The following STK32C variants were observed in gnomAD, a reference collection of about 807,000 sequenced individuals.
STK32C encodes the protein serine/threonine kinase 32C, also known as serine/threonine-protein kinase 32C.
In STK32C, 31 loss-of-function variants were observed where a neutral mutation model predicts 56.5. That is an observed-to-expected ratio of 0.55 (90% confidence interval 0.41 to 0.74). The LOEUF (loss-of-function observed/expected upper bound fraction) is 0.74. STK32C is among the 30% of genes least tolerant of loss of function. The probability of loss-of-function intolerance (pLI) is 0.00; values close to 1 mark genes in which losing one functional copy is unlikely to be tolerated. For synonymous variants in STK32C, 309 were observed against 289.4 expected, an observed-to-expected ratio of 1.07 and a Z score of -0.69; for missense variants, 544 against 676.9, an observed-to-expected ratio of 0.80 and a Z score of 2.18.
chr10:132,307,806 T>C lies in STK32C; in HGVS notation c.28A>G (p.Ser10Gly). The C allele has an allele frequency of 3.9e-6, 4 of 1,026,040 alleles. No individual in the cohort carries two copies. The highest frequency in any genetic ancestry group is 4.7e-6 in the Non-Finnish European group (4 of 856,014). 63.6% of individuals were successfully genotyped at this position (1,026,040 alleles called of 1,614,324 possible). The change falls in exon 1 of 12, where the codon AGC becomes GGC. Residue 10 changes from serine to glycine, a missense_variant. This residue lies in a region of STK32C where 182 missense variants were observed against 217.7 expected (regional missense o/e 0.84). Transcript: ENST00000298630. This position sits in a 1 kb window ranked among gnomAD's most constrained non-coding sequence, Gnocchi z 4.4. MRSGAERRGSSAAASPGSPP... is the reference protein window; with the variant it reads MRSGAERRGGSAAASPGSPP... ...GAGCCCGGGGACGCCGCGGCGCTGC[T>C]GCCCCTGCGCTCGGCGCCACTCCTC...
chr10:132,293,448 G>A (rs1452704982), intron 1 of STK32C, among the ~76,000 whole-genome samples: 5 of 152,238 alleles, frequency 3.3e-5, no homozygotes, highest in African/African-American at 1.2e-4. Flanking sequence ...GTGACAGTGA[G>A]CCAAGCCCTC....
chr10:132,301,705 G>C (rs771675933), intron 1 of STK32C, among the ~76,000 whole-genome samples: 19 of 152,254 alleles, frequency 1.2e-4, no homozygotes, highest in Non-Finnish European at 2.5e-4. Flanking sequence ...ATGTGAACCA[G>C]GAGCTGCACG....
At chr10:132,209,283 C>G (rs746833942) in intron 10 of STK32C, 182 bp from the exon 11 acceptor site, 1 of 709,462 alleles carries the variant, frequency 1.4e-6, no homozygotes. Flanking sequence ...CGCATCTCTG[C>G]GGGTGACTCA....
chr10:132,330,135 A>C, intron 1 of STK32C: 1 of 339,912 alleles, frequency 2.9e-6, no homozygotes, highest in Admixed American at 4.0e-5. Context: ...AAGGCTACCA[A>C]TGGATACAAT....
At chr10:132,322,992 A>C (rs1194181163), downstream of STK32C, among the ~76,000 whole-genome samples, 2 of 152,188 alleles carry the variant, frequency 1.3e-5, no homozygotes, top group Admixed American at 1.3e-4. Flanking sequence ...TGTGAAATGC[A>C]GGCCCTCTAA....
chr10:132,249,047 T>G (rs1487537951), intron 1 of STK32C: 3 of 476,010 alleles, frequency 6.3e-6, no homozygotes, highest in South Asian at 3.1e-5. Flanking sequence ...GCCTCCCGAC[T>G]GTGCGACGGA....
Position 132,217,248 on chromosome 10 carries a change from T to G in STK32C, c.1251+5393A>C, listed in dbSNP as rs535545384. On this transcript the variant is annotated intron_variant, in intron 10 of 11. Transcript: ENST00000298630. ...GAGAGATAGAGTCAAAGATGTTCAT[T>G]TTGAAGCTTTAAGATTTGACAGGCC... Among the ~76,000 whole-genome samples the G allele has an allele frequency of 3.9e-5, 6 of 152,354 alleles. No individual in the cohort carries two copies. In the East Asian group the frequency reaches 1.2e-3, roughly 29 times the overall value.
intron 1 of STK32C, among the ~76,000 whole-genome samples, chr10:132,276,246 G>A (rs11146304): frequency 0.21 from 31,991 of 152,196 alleles, 4,159 homozygotes; most frequent in Non-Finnish European, 0.31. Context: ...ATGCAGAAAA[G>A]TGAGCTTTCA....
rs975449747 is a variant in STK32C, at chr10:132,243,061, C to A, written c.318+2839G>T. ...CCAGCCCAACCTGCACTGGTCTGCA[C>A]CCCCCAGCCAAGCCTGGTCCCAGAG... On this transcript the variant is annotated intron_variant, in intron 2 of 11. Transcript: ENST00000298630. Among the ~76,000 whole-genome samples the A allele has an allele frequency of 1.1e-4, 16 of 152,338 alleles. No individual in the cohort carries two copies. In the East Asian group the frequency reaches 2.9e-3, roughly 28 times the overall value.
chr10:132,254,799 C>T (rs563148708), intron 1 of STK32C, among the ~76,000 whole-genome samples: 2 of 152,288 alleles, frequency 1.3e-5, no homozygotes, highest in South Asian at 2.1e-4. Context: ...GTGCACCCCA[C>T]GCGAAGGCTG....
At chr10:132,266,508 A>T (rs1276256577) in intron 1 of STK32C, among the ~76,000 whole-genome samples, 1 of 152,194 alleles carries the variant, frequency 6.6e-6, no homozygotes, top group African/African-American at 2.4e-5. Context: ...GATCAGGGAC[A>T]TTCTGTAGTG....
intron 1 of STK32C, among the ~76,000 whole-genome samples, chr10:132,287,308 T>C (rs768151202): frequency 6.9e-4 from 105 of 151,720 alleles, no homozygotes; most frequent in Non-Finnish European, 1.2e-3. Context: ...CTGGCCAACA[T>C]GGTGAAACCC....
intron 1 of STK32C, among the ~76,000 whole-genome samples, chr10:132,269,451 T>G (rs2064743918): frequency 6.6e-6 from 1 of 152,146 alleles, no homozygotes; most frequent in Admixed American, 6.5e-5. Context: ...CTCCCAGCCC[T>G]GCTGGCTGCT....
At chr10:132,250,080 G>A (rs1475889185) in intron 1 of STK32C, among the ~76,000 whole-genome samples, 4 of 152,254 alleles carry the variant, frequency 2.6e-5, no homozygotes, top group East Asian at 1.9e-4. Flanking sequence ...ACCAGGAGCC[G>A]GTGTCTACGG....
At chr10:132,279,555 G>A (rs2065090671) in intron 1 of STK32C, among the ~76,000 whole-genome samples, 1 of 152,066 alleles carries the variant, frequency 6.6e-6, no homozygotes, top group South Asian at 2.1e-4. Flanking sequence ...AGCACAGGAG[G>A]TCAAGGCTGC....
At chr10:132,230,662 G>A (rs1346620036) in intron 2 of STK32C, among the ~76,000 whole-genome samples, 1 of 147,092 alleles carries the variant, frequency 6.8e-6, no homozygotes, top group African/African-American at 2.5e-5. Flanking sequence ...GGCTCTTGCT[G>A]CTGGGGGGGA....
At chr10:132,285,670 CA>C (rs764107736) in intron 1 of STK32C, among the ~76,000 whole-genome samples, 1 of 152,270 alleles carries the variant, frequency 6.6e-6, no homozygotes, top group Non-Finnish European at 1.5e-5. Flanking sequence ...AACAACAACC[CA>C]AAATATGTGG....
At position 132,292,598 on chromosome 10, in the gene STK32C, C is replaced by T. The variant is rs577087206; in HGVS notation, c.262+14974G>A. On this transcript the variant is annotated intron_variant, in intron 1 of 11. Coordinates refer to ENST00000298630, the MANE Select transcript of STK32C (RefSeq NM_173575.4). Reference sequence around the variant, plus strand: ...ATATTCATGCTTGCACACATGCTTCCATATTCATGCACTCCCATGCTTGTG... The same window carrying T: ...ATATTCATGCTTGCACACATGCTTCTATATTCATGCACTCCCATGCTTGTG... Among the ~76,000 whole-genome samples, 4 of 152,356 alleles carry T rather than the reference C, an allele frequency of 2.6e-5. No homozygotes were observed. The East Asian group carries it at 7.7e-4, about 29-fold the overall frequency.
chr10:132,220,276 C>T (rs1007896655), intron 10 of STK32C, among the ~76,000 whole-genome samples: 3 of 152,202 alleles, frequency 2.0e-5, no homozygotes, highest in African/African-American at 2.4e-5. Context: ...TGGGGGGATG[C>T]GTCTAGGCCA....
Sources: allele counts gnomAD v4.1 joint callset (sites outside exome capture counted in the v4.1 genomes callset), GRCh38; gene constraint gnomAD v4.1.1; regional missense constraint gnomAD v4.1.1; non-coding constraint Gnocchi (gnomAD v3.1); transcripts MANE v1.5; gene names NCBI Gene and HGNC (gene_info 2026-07-23, HGNC 2026-07-21).